Variants in MOB3B observed in about 807,000 individuals in gnomAD.
MOB3B encodes MOB kinase activator 3B, also known as MOB kinase activator-like 2B.
MOB3B carries 7 observed loss-of-function variants against 18.7 expected under a neutral mutation model. The ratio of observed to expected loss-of-function variants is 0.37; its 90% confidence interval spans 0.21 to 0.70. The LOEUF is 0.70. MOB3B is among the 30% of genes least tolerant of loss of function. The pLI is 0.52. For missense variants in MOB3B, 253 were observed against 281.3 expected, an observed-to-expected ratio of 0.90 and a Z score of 0.72; for synonymous variants, 111 against 99.9, an observed-to-expected ratio of 1.11 and a Z score of -0.66.
intron 1 of MOB3B, among the ~76,000 whole-genome samples, chr9:27,523,898 G>A (rs1328125576): frequency 2.0e-5 from 3 of 151,972 alleles, no homozygotes; most frequent in African/African-American, 4.8e-5. Context: ...ATAGCACCAG[G>A]TACAAAAAAT....
Position 27,327,006 on chromosome 9 carries a change from AAAAAT to A in MOB3B, c.*3576_*3580del, listed in dbSNP as rs1161692774. On this transcript the variant is annotated 3_prime_UTR_variant, in exon 4 of 4. Coordinates refer to ENST00000262244, the MANE Select transcript of MOB3B (RefSeq NM_024761.5). ...ATGGGAGGTCATTGAAGACGGGAGA[AAAAAT>A]AAAAGCGTTGAATATTTCACCTCTG... is the stretch of plus-strand genomic sequence containing the variant. The A allele has an allele frequency of 6.4e-6, 1 of 155,796 alleles. No individual in the cohort carries two copies. Among genetic ancestry groups the A allele is most frequent in the Admixed American group, 6.5e-5 (1 of 15,368 alleles). The allele number at this position is 155,796 out of a possible 1,614,324, so 9.7% of individuals were successfully genotyped here.
intron 2 of MOB3B, among the ~76,000 whole-genome samples, chr9:27,428,761 C>G (rs534772226): frequency 6.6e-6 from 1 of 152,280 alleles, no homozygotes; most frequent in South Asian, 2.1e-4. Flanking sequence ...CTAAGATTAG[C>G]ACAAATGCTG....
At position 27,455,610 on chromosome 9, in the gene MOB3B, G is replaced by A; in HGVS notation, c.-60C>T. 3 of 1,607,686 alleles carry A rather than the reference G, an allele frequency of 1.9e-6. No individual in the cohort carries two copies. Among genetic ancestry groups the A allele is most frequent in the East Asian group, 4.5e-5 (2 of 44,874 alleles). Reference sequence around the variant, plus strand: ...GCGAAAAGGCACCTGGAACTTTTCAGGGAGAGATCACAGCCCAACAGTGTT... The same window carrying A: ...GCGAAAAGGCACCTGGAACTTTTCAAGGAGAGATCACAGCCCAACAGTGTT... On this transcript the variant is annotated 5_prime_UTR_variant, in exon 2 of 4. Transcript: ENST00000262244.
intron 3 of MOB3B, among the ~76,000 whole-genome samples, chr9:27,333,847 C>T (rs1820823686): frequency 6.6e-6 from 1 of 152,162 alleles, no homozygotes. Flanking sequence ...GGACCCATCG[C>T]CCCCTGCTCA....
At chr9:27,340,171 C>A (rs554640245) in intron 3 of MOB3B, among the ~76,000 whole-genome samples, 1 of 152,210 alleles carries the variant, frequency 6.6e-6, no homozygotes, top group Admixed American at 6.5e-5. Context: ...ATTACTGACA[C>A]GGAGGGCGTT....
At chr9:27,485,738 G>A (rs780402395) in intron 1 of MOB3B, among the ~76,000 whole-genome samples, 3 of 151,952 alleles carry the variant, frequency 2.0e-5, no homozygotes, top group African/African-American at 4.8e-5. Context: ...TTTCCCCCTT[G>A]TTCTCTTCTG....
In MOB3B at chr9:27,493,747, T is replaced by C. The variant is rs567882136; in HGVS notation, c.-199+35808A>G. On this transcript the variant is annotated intron_variant, in intron 1 of 3. Coordinates refer to ENST00000262244, the MANE Select transcript of MOB3B (RefSeq NM_024761.5). Reference sequence around the variant, plus strand: ...TCTTAATCCTGTCAGCCGAGGAGGATGTATATCGCCTCAGGACCCTGTAAT... The same window carrying C: ...TCTTAATCCTGTCAGCCGAGGAGGACGTATATCGCCTCAGGACCCTGTAAT... 4.6e-5 allele frequency among the ~76,000 whole-genome samples: 7 copies of C among 152,290 alleles called. No homozygotes were observed. In the East Asian group the frequency reaches 1.4e-3, roughly 29 times the overall value.
chr9:27,444,035 A>G (rs1426391775), intron 2 of MOB3B, among the ~76,000 whole-genome samples: 1 of 152,084 alleles, frequency 6.6e-6, no homozygotes, highest in South Asian at 2.1e-4. Flanking sequence ...TTTCAAGAGC[A>G]CAAGGCCATG....
At chr9:27,404,316 TTTCTTTCTTTCTTTCTTTCC>T (rs1563860258) in intron 2 of MOB3B, among the ~76,000 whole-genome samples, 4 of 145,570 alleles carry the variant, frequency 2.7e-5, no homozygotes, top group African/African-American at 1.0e-4. Flanking sequence ...TAAACCACAT[TTTCTTTCTTTCTTTCTTTCC>T]TTCTTTCTTT....
intron 1 of MOB3B, chr9:27,524,876 CTG>C: frequency 6.2e-7 from 1 of 1,613,984 alleles, no homozygotes. Flanking sequence ...AATACAGTGA[CTG>C]TGCCTGGGAG....
intron 3 of MOB3B, among the ~76,000 whole-genome samples, chr9:27,358,502 C>CA (rs1344202736): frequency 6.6e-6 from 1 of 152,166 alleles, no homozygotes; most frequent in African/African-American, 2.4e-5. Flanking sequence ...ATGGAAAACT[C>CA]AATGTGAAAA....
In MOB3B at chr9:27,458,516, T is replaced by A. The variant is rs369660798; in HGVS notation, c.-198-2768A>T. On this transcript the variant is annotated intron_variant, in intron 1 of 3. Coordinates refer to ENST00000262244, the MANE Select transcript of MOB3B (RefSeq NM_024761.5). ...TACTCATATAACAAATTTGAAGATA[T>A]GTTTTTTTTTTTTTTTTGAGACAGG... 5.6e-4 allele frequency among the ~76,000 whole-genome samples: 73 copies of A among 131,230 alleles called. No homozygotes were observed. The East Asian group carries it at 9.7e-3, about 17-fold the overall frequency. The allele number at this position is 131,230 out of a possible 152,430, so 86.1% of individuals were successfully genotyped here. A position where few individuals can be genotyped will look rare whatever the true frequency, so the allele number is the denominator to read the frequency against.
chr9:27,358,321 A>G (rs955083782), intron 3 of MOB3B, among the ~76,000 whole-genome samples: 7 of 152,216 alleles, frequency 4.6e-5, no homozygotes, highest in African/African-American at 1.7e-4. Context: ...CATGTTACAA[A>G]AGGTGATGAG....
intron 1 of MOB3B, among the ~76,000 whole-genome samples, chr9:27,482,023 A>G (rs377539110): frequency 6.6e-6 from 1 of 152,178 alleles, no homozygotes; most frequent in African/African-American, 2.4e-5. Flanking sequence ...AAGAAAAGAG[A>G]TAAGATGAAA....
At chr9:27,398,884 A>T (rs1821837666) in intron 2 of MOB3B, among the ~76,000 whole-genome samples, 2 of 152,030 alleles carry the variant, frequency 1.3e-5, no homozygotes, top group Non-Finnish European at 2.9e-5. Context: ...TCACCTAGGC[A>T]TCCCCATCTC....
chr9:27,438,496 G>C (rs1822546465), intron 2 of MOB3B, among the ~76,000 whole-genome samples: 1 of 152,172 alleles, frequency 6.6e-6, no homozygotes. Flanking sequence ...CAAAGTGCTG[G>C]GGCAAGAGGA....
At chr9:27,360,549 T>A (rs1821260475) in intron 2 of MOB3B, among the ~76,000 whole-genome samples, 1 of 152,142 alleles carries the variant, frequency 6.6e-6, no homozygotes, top group African/African-American at 2.4e-5. Context: ...AGAATTACCC[T>A]TGTCAAAGAA....
At chr9:27,519,323 C>T (rs969384886) in intron 1 of MOB3B, among the ~76,000 whole-genome samples, 21 of 152,188 alleles carry the variant, frequency 1.4e-4, no homozygotes, top group African/African-American at 4.8e-4. Flanking sequence ...TCCTGGACCT[C>T]ATATCCATAA....
At chr9:27,521,853 T>G (rs1820336891) in intron 1 of MOB3B, among the ~76,000 whole-genome samples, 2 of 152,170 alleles carry the variant, frequency 1.3e-5, no homozygotes, top group African/African-American at 4.8e-5. Context: ...GTAGAAATGT[T>G]TAAACAAATA....
Sources: allele counts gnomAD v4.1 joint callset (sites outside exome capture counted in the v4.1 genomes callset), GRCh38; gene constraint gnomAD v4.1.1; transcripts MANE v1.5; gene names NCBI Gene and HGNC (gene_info 2026-07-23, HGNC 2026-07-21).